ANXA4: variants seen among roughly 807,000 people sequenced by gnomAD.
ANXA4 encodes 35-beta calcimedin.
A neutral mutation model predicts 49.8 loss-of-function variants in ANXA4; 39 were observed. The ratio of observed to expected loss-of-function variants is 0.78; its 90% CI spans 0.61 to 1.02. The LOEUF (loss-of-function observed/expected upper bound fraction) is 1.02. Among genes scored for constraint, ANXA4 ranks in the 50% least tolerant of loss-of-function variants. The probability of loss-of-function intolerance (pLI) is 0.00; values close to 1 mark genes in which losing one functional copy is unlikely to be tolerated. For missense variants in ANXA4, 360 were observed against 410.1 expected, an observed-to-expected ratio of 0.88 and a Z score of 1.05; for synonymous variants, 134 against 152.5, an observed-to-expected ratio of 0.88 and a Z score of 0.89.
chr2:69,788,292 CA>C, intron 3 of ANXA4, 151 bp downstream of exon 3: 1 of 684,354 alleles, frequency 1.5e-6, no homozygotes, highest in Non-Finnish European at 2.5e-6. Flanking sequence ...GTCATCTCAG[CA>C]CTTTGGGAGG....
chr2:69,740,845 C>T (rs1670372482), upstream of ANXA4, among the ~76,000 whole-genome samples: 1 of 140,730 alleles, frequency 7.1e-6, no homozygotes. Context: ...CCACACCCGG[C>T]TATATATATG....
intron 2 of ANXA4, among the ~76,000 whole-genome samples, chr2:69,694,564 C>T (rs1678096031): frequency 1.5e-5 from 2 of 135,832 alleles, no homozygotes; most frequent in Admixed American, 7.8e-5. Context: ...TGATGTTCCC[C>T]TTCCTGTGTC....
chr2:69,797,031 G>A (rs565242580), intron 3 of ANXA4, among the ~76,000 whole-genome samples: 9 of 152,164 alleles, frequency 5.9e-5, no homozygotes, highest in Non-Finnish European at 1.0e-4. Flanking sequence ...CCTTCAGCTG[G>A]CCATGTCTGT....
At chr2:69,716,041 C>T (rs1678870859) in intron 2 of ANXA4, among the ~76,000 whole-genome samples, 2 of 152,170 alleles carry the variant, frequency 1.3e-5, no homozygotes, top group African/African-American at 4.8e-5. Flanking sequence ...GAGAAAGAAG[C>T]CTCACTCTCT....
intron 8 of ANXA4, chr2:69,814,743 G>GGTATGTGTGTGTGTGT (rs1168131518): frequency 8.1e-6 from 1 of 123,636 alleles, no homozygotes; most frequent in African/African-American, 3.6e-5. Context: ...GACACAGAGG[G>GGTATGTGTGTGTGTGT]GTGTGTGTGT....
rs1678142490 is a variant in ANXA4 at position 69,695,860 on chromosome 2, G to A, written n.767-24914G>A. Among the ~76,000 whole-genome samples, 4 of 152,164 alleles carry A rather than the reference G, an allele frequency of 2.6e-5. No homozygotes were observed. In the South Asian group the frequency reaches 8.3e-4, roughly 32 times the overall value. Reference sequence around the variant, plus strand: ...ACTGCAGTCTATGAAGTGTGCAATAGCATTACGTCTTAAAAAAGTATATAC... The same window carrying A: ...ACTGCAGTCTATGAAGTGTGCAATAACATTACGTCTTAAAAAAGTATATAC... On this transcript the variant is annotated intron_variant and non_coding_transcript_variant, in intron 2 of 3. Coordinates refer to the ANXA4 transcript ENST00000418066.
At chr2:69,688,755 A>G (rs958411327) in intron 2 of ANXA4, among the ~76,000 whole-genome samples, 4 of 152,210 alleles carry the variant, frequency 2.6e-5, no homozygotes, top group Non-Finnish European at 5.9e-5. Flanking sequence ...ATTTTTATTA[A>G]TATTCAACTT....
Position 69,764,118 on chromosome 2 carries a change from A to G in ANXA4, c.-46-17402A>G, listed in dbSNP as rs183271604. ...CATAAGAAGAGACTGAAGGGGCCTA[A>G]GTGCAGATGAGAATCCCTGGTGATA... On this transcript the variant is annotated intron_variant, in intron 1 of 12. Coordinates refer to ENST00000394295, the MANE Select transcript of ANXA4 (RefSeq NM_001153.5). 2.6e-5 allele frequency among the ~76,000 whole-genome samples: 4 copies of G among 152,332 alleles called. No individual in the cohort carries two copies. The East Asian group carries it at 7.7e-4, about 29-fold the overall frequency.
rs183101646 is a variant in ANXA4 at position 69,694,080 on chromosome 2, C to T, written n.767-26694C>T. On this transcript the variant is annotated intron_variant and non_coding_transcript_variant, in intron 2 of 3. Transcript: ENST00000418066. ...TCATGGAAACACTGTTTACCAGTTGCTATGGTCTGAATGTTTGTGTCTCCC... is the reference window on the plus strand; with the variant it reads ...TCATGGAAACACTGTTTACCAGTTGTTATGGTCTGAATGTTTGTGTCTCCC... 1.8e-4 allele frequency among the ~76,000 whole-genome samples: 28 copies of T among 152,272 alleles called. No individual in the cohort carries two copies. In the East Asian group the frequency reaches 4.4e-3, roughly 24 times the overall value.
chr2:69,754,490 G>A (rs1311864020), intron 1 of ANXA4, among the ~76,000 whole-genome samples: 1 of 152,148 alleles, frequency 6.6e-6, no homozygotes, highest in African/African-American at 2.4e-5. Context: ...TCAAACTCCT[G>A]CACTCAGGGA....
intron 11 of ANXA4, 76 bp downstream of exon 11, chr2:69,819,414 C>T (rs1674137311): frequency 1.9e-6 from 2 of 1,077,214 alleles, no homozygotes; most frequent in African/African-American, 1.6e-5. Context: ...ACTTATATCC[C>T]CTATCCAAAC....
chr2:69,767,843 TTTTA>T (rs1362606120), intron 1 of ANXA4, among the ~76,000 whole-genome samples: 1 of 152,184 alleles, frequency 6.6e-6, no homozygotes, highest in Non-Finnish European at 1.5e-5. Flanking sequence ...AATTTAAAGT[TTTTA>T]TTCTGTCATG....
intron 1 of ANXA4, among the ~76,000 whole-genome samples, chr2:69,752,312 AACTGCTGGCCTGGAATAT>A (rs1372126190): frequency 1.3e-5 from 2 of 152,186 alleles, no homozygotes; most frequent in Non-Finnish European, 2.9e-5. Flanking sequence ...CCATGTAAGG[AACTGCTGGCCTGGAATAT>A]AAATCCCTAC....
intron 2 of ANXA4, among the ~76,000 whole-genome samples, chr2:69,688,853 A>G (rs1677874335): frequency 6.6e-6 from 1 of 152,092 alleles, no homozygotes; most frequent in Non-Finnish European, 1.5e-5. Flanking sequence ...CAACTCATGT[A>G]TTTTCTGCCC....
At chr2:69,809,274 C>A (rs1673593091) in intron 6 of ANXA4, 1 of 152,090 alleles carries the variant, frequency 6.6e-6, no homozygotes, top group Admixed American at 6.6e-5. Context: ...AGAAAGAAAA[C>A]AACCACAATA....
intron 2 of ANXA4, among the ~76,000 whole-genome samples, chr2:69,708,660 A>T (rs1678579848): frequency 1.3e-5 from 2 of 152,120 alleles, no homozygotes; most frequent in South Asian, 2.1e-4. Flanking sequence ...GTTTCTGAGG[A>T]CCACATGCCC....
At chr2:69,663,677 A>G (rs1356950703) in intron 2 of ANXA4, among the ~76,000 whole-genome samples, 1 of 152,154 alleles carries the variant, frequency 6.6e-6, no homozygotes, top group Non-Finnish European at 1.5e-5. Context: ...CAATAAAAAA[A>G]GAATACTCTA....
intron 2 of ANXA4, among the ~76,000 whole-genome samples, chr2:69,714,593 AC>A (rs1678812291): frequency 6.6e-6 from 1 of 151,832 alleles, no homozygotes; most frequent in Non-Finnish European, 1.5e-5. Flanking sequence ...GCTCCCATTA[AC>A]CTCCTGTGTT....
At chr2:69,702,255 C>G (rs942204424) in intron 2 of ANXA4, among the ~76,000 whole-genome samples, 11 of 152,020 alleles carry the variant, frequency 7.2e-5, no homozygotes, top group African/African-American at 2.7e-4. Flanking sequence ...TCAAATGATC[C>G]GCCTGCCTCA....
Sources: allele counts gnomAD v4.1 joint callset (sites outside exome capture counted in the v4.1 genomes callset), GRCh38; gene constraint gnomAD v4.1.1; transcripts MANE v1.5; gene names NCBI Gene and HGNC (gene_info 2026-07-23, HGNC 2026-07-21).